MARCHF1: variants seen among roughly 807,000 people sequenced by gnomAD.
The protein encoded by MARCHF1 is E3 ubiquitin-protein ligase MARCHF1.
In MARCHF1, 40 loss-of-function variants were observed where a neutral mutation model predicts 54.2. The ratio of observed to expected loss-of-function variants is 0.74; its 90% CI spans 0.57 to 0.96. The LOEUF (loss-of-function observed/expected upper bound fraction) is 0.96, where lower values mean the gene tolerates loss of function less well. Among genes scored for constraint, MARCHF1 ranks in the 40% least tolerant of loss-of-function variants. The pLI is 0.00. For synonymous variants in MARCHF1, 236 were observed against 236.3 expected, an observed-to-expected ratio of 1.00 and a Z score of 0.01; for missense variants, 586 against 656.5, an observed-to-expected ratio of 0.89 and a Z score of 1.17.
At chr4:163,892,055 A>T (rs1416702695) in intron 3 of MARCHF1, among the ~76,000 whole-genome samples, 1 of 152,172 alleles carries the variant, frequency 6.6e-6, no homozygotes, top group Non-Finnish European at 1.5e-5. Context: ...GCTCACTGAC[A>T]TTGTAACAAT....
chr4:163,653,497 T>C (rs549116677), intron 5 of MARCHF1, among the ~76,000 whole-genome samples: 26 of 151,838 alleles, frequency 1.7e-4, no homozygotes, highest in Admixed American at 1.4e-3. Flanking sequence ...AGACTAGTTA[T>C]CAGGTTACGG....
At chr4:163,751,061 A>T (rs1746505120) in intron 4 of MARCHF1, among the ~76,000 whole-genome samples, 1 of 152,164 alleles carries the variant, frequency 6.6e-6, no homozygotes, top group South Asian at 2.1e-4. Context: ...TTTATCTCAT[A>T]CTTAATGGTG....
intron 4 of MARCHF1, among the ~76,000 whole-genome samples, chr4:163,797,757 A>G (rs936738807): frequency 1.3e-5 from 2 of 151,980 alleles, no homozygotes; most frequent in African/African-American, 4.8e-5. Context: ...TAGAAAATCC[A>G]TTCTTATTTA....
chr4:164,293,319 G>C (rs1028048339), intron 1 of MARCHF1, among the ~76,000 whole-genome samples: 1 of 152,096 alleles, frequency 6.6e-6, no homozygotes, highest in East Asian at 1.9e-4. Flanking sequence ...TCAATCACAA[G>C]TTGCCAGCTA....
intron 5 of MARCHF1, among the ~76,000 whole-genome samples, chr4:163,680,242 A>G (rs1049853659): frequency 2.0e-4 from 30 of 152,236 alleles, no homozygotes; most frequent in African/African-American, 6.7e-4. Flanking sequence ...GTTTCTCTAT[A>G]GCTTTGCTAC....
chr4:163,649,130 T>C (rs188318838), intron 5 of MARCHF1, among the ~76,000 whole-genome samples: 8 of 152,182 alleles, frequency 5.3e-5, no homozygotes, highest in African/African-American at 1.9e-4. Context: ...ATTAGGTACC[T>C]GGTTCAGCAC....
intron 2 of MARCHF1, among the ~76,000 whole-genome samples, chr4:164,064,144 G>T (rs1754679550): frequency 6.6e-6 from 1 of 152,268 alleles, no homozygotes; most frequent in East Asian, 1.9e-4. Context: ...GGCTATTCAG[G>T]CTCTTTGTTT....
At chr4:163,973,598 G>T (rs996058326) in intron 3 of MARCHF1, among the ~76,000 whole-genome samples, 6 of 152,104 alleles carry the variant, frequency 3.9e-5, no homozygotes, top group African/African-American at 1.2e-4. Flanking sequence ...TTCAATACAG[G>T]GAGATGAAAA....
At chr4:163,572,412 A>C (rs1352230958) in intron 8 of MARCHF1, among the ~76,000 whole-genome samples, 1 of 151,672 alleles carries the variant, frequency 6.6e-6, no homozygotes, top group Admixed American at 6.6e-5. Context: ...ATATGCTACC[A>C]GTCTCCTTGT....
At chr4:163,857,661 C>G (rs1204578369) in intron 3 of MARCHF1, among the ~76,000 whole-genome samples, 1 of 152,144 alleles carries the variant, frequency 6.6e-6, no homozygotes, top group African/African-American at 2.4e-5. Flanking sequence ...TAGTAAATAG[C>G]AGCATAGTGC....
intron 7 of MARCHF1, among the ~76,000 whole-genome samples, chr4:163,608,641 A>G: frequency 6.6e-6 from 1 of 152,092 alleles, no homozygotes; most frequent in East Asian, 1.9e-4. Flanking sequence ...GATGAGTTAA[A>G]TTCCCTCTAA....
intron 5 of MARCHF1, among the ~76,000 whole-genome samples, chr4:163,665,982 A>G (rs967242580): frequency 2.0e-5 from 3 of 152,110 alleles, no homozygotes; most frequent in Non-Finnish European, 4.4e-5. Context: ...GCAACCATCA[A>G]TGTTCATGCC....
At chr4:164,224,531 C>T (rs1213580668) in intron 1 of MARCHF1, among the ~76,000 whole-genome samples, 2 of 151,896 alleles carry the variant, frequency 1.3e-5, no homozygotes, top group African/African-American at 2.4e-5. Context: ...TGTTCACAAC[C>T]TCTGATCTAG....
At chr4:163,971,687 T>A (rs1752549899) in intron 3 of MARCHF1, among the ~76,000 whole-genome samples, 1 of 152,114 alleles carries the variant, frequency 6.6e-6, no homozygotes, top group Non-Finnish European at 1.5e-5. Flanking sequence ...CAGGGAGTGG[T>A]GGAATGGACC....
At chr4:163,556,395 T>G (rs762966630) in intron 8 of MARCHF1, among the ~76,000 whole-genome samples, 11 of 152,182 alleles carry the variant, frequency 7.2e-5, no homozygotes, top group Non-Finnish European at 1.2e-4. Flanking sequence ...AGAGAATCTT[T>G]TTGGAACCGT....
chr4:163,901,615 A>G (rs1471610572), intron 3 of MARCHF1, among the ~76,000 whole-genome samples: 3 of 152,214 alleles, frequency 2.0e-5, no homozygotes, highest in Admixed American at 6.5e-5. Flanking sequence ...CAGAGTTAAA[A>G]TTGTTATAGA....
At chr4:164,130,799 T>C (rs1356844916) in intron 1 of MARCHF1, among the ~76,000 whole-genome samples, 2 of 152,172 alleles carry the variant, frequency 1.3e-5, no homozygotes, top group Non-Finnish European at 2.9e-5. Flanking sequence ...TATCACATTT[T>C]CCCCAGCATA....
intron 4 of MARCHF1, among the ~76,000 whole-genome samples, chr4:163,783,918 C>A (rs546082427): frequency 1.3e-4 from 20 of 152,144 alleles, no homozygotes; most frequent in Non-Finnish European, 2.6e-4. Context: ...TTTTAAGACA[C>A]CACAGATCAT....
At chr4:163,939,165 T>C (rs142280915) in intron 3 of MARCHF1, among the ~76,000 whole-genome samples, 53 of 152,254 alleles carry the variant, frequency 3.5e-4, no homozygotes, top group African/African-American at 1.2e-3. Context: ...TAAATAGAAC[T>C]CTCAGTCTTT....
Sources: allele counts gnomAD v4.1 joint callset (sites outside exome capture counted in the v4.1 genomes callset), GRCh38; gene constraint gnomAD v4.1.1; transcripts MANE v1.5; gene names NCBI Gene and HGNC (gene_info 2026-07-23, HGNC 2026-07-21).